Variants in ARHGAP10 observed in about 807,000 individuals in gnomAD.
ARHGAP10 encodes the protein rho GTPase-activating protein 10.
In ARHGAP10, 87 loss-of-function variants were observed where a neutral mutation model predicts 108.6. That is an observed-to-expected ratio of 0.80 (90% CI 0.67 to 0.96). The LOEUF is 0.96. Ranked by LOEUF, ARHGAP10 falls within the 40% of genes least tolerant of loss-of-function variation. ARHGAP10 has a pLI of 0.00. For missense variants in ARHGAP10, 939 were observed against 954.5 expected (o/e 0.98, Z 0.21); for synonymous variants, 347 against 341.1 (o/e 1.02, Z -0.19).
At chr4:147,824,211 A>T (rs1316144552) in intron 3 of ARHGAP10, among the ~76,000 whole-genome samples, 4 of 151,928 alleles carry the variant, frequency 2.6e-5, no homozygotes, top group Non-Finnish European at 5.9e-5. Context: ...AATCCCAGCT[A>T]CTCGGGAGGC....
chr4:148,014,791 A>G (rs1465366830), intron 18 of ARHGAP10, among the ~76,000 whole-genome samples: 1 of 152,236 alleles, frequency 6.6e-6, no homozygotes. Context: ...ATAGAGTGCT[A>G]CCGAAATCAA....
At chr4:148,046,841 T>C (rs1482307667) in intron 19 of ARHGAP10, 51 bp from the exon 20 acceptor site, 1 of 1,554,386 alleles carries the variant, frequency 6.4e-7, no homozygotes, top group Non-Finnish European at 8.8e-7. Context: ...TTAGTGGAGT[T>C]TTTTCTTCTC....
chr4:147,873,708 A>ACACACACACACACT (rs1734940219), intron 7 of ARHGAP10, among the ~76,000 whole-genome samples: 1 of 150,230 alleles, frequency 6.7e-6, no homozygotes. Context: ...ACACACACAC[A>ACACACACACACACT]CACACACACA....
intron 1 of ARHGAP10, among the ~76,000 whole-genome samples, chr4:147,764,643 C>T (rs1051154724): frequency 1.3e-5 from 2 of 152,138 alleles, no homozygotes; most frequent in African/African-American, 2.4e-5. Flanking sequence ...AAGGGATTCT[C>T]GTGCCTCAGC....
intron 1 of ARHGAP10, among the ~76,000 whole-genome samples, chr4:147,820,389 G>GA (rs2126783567): frequency 6.6e-6 from 1 of 152,002 alleles, no homozygotes; most frequent in East Asian, 1.9e-4. Context: ...GAGTTCAAGC[G>GA]ATTCTCCTGC....
At chr4:148,008,076 G>A (rs892817987) in intron 18 of ARHGAP10, among the ~76,000 whole-genome samples, 4 of 152,146 alleles carry the variant, frequency 2.6e-5, no homozygotes, top group African/African-American at 9.7e-5. Flanking sequence ...GCCTGTGGTG[G>A]CCTCATCCTA....
intron 1 of ARHGAP10, among the ~76,000 whole-genome samples, chr4:147,740,117 T>C (rs1438640107): frequency 6.6e-6 from 1 of 151,210 alleles, no homozygotes; most frequent in Non-Finnish European, 1.5e-5. Flanking sequence ...GGTGTGATCT[T>C]GGCTCACTGC....
At chr4:147,831,263 G>A (rs1560780307) in intron 3 of ARHGAP10, among the ~76,000 whole-genome samples, 1 of 152,200 alleles carries the variant, frequency 6.6e-6, no homozygotes, top group Non-Finnish European at 1.5e-5. Context: ...AATAGTGATG[G>A]AAAGCCTAAG....
At chr4:148,060,044 A>T (rs960551700) in intron 20 of ARHGAP10, among the ~76,000 whole-genome samples, 21 of 152,072 alleles carry the variant, frequency 1.4e-4, no homozygotes, top group Admixed American at 9.2e-4. Context: ...GAGACGAGAG[A>T]CAGATATGCC....
intron 1 of ARHGAP10, among the ~76,000 whole-genome samples, chr4:147,795,335 C>A (rs574164781): frequency 3.4e-4 from 51 of 152,210 alleles, no homozygotes; most frequent in African/African-American, 1.1e-3. Flanking sequence ...ACCTTTTATC[C>A]TACGTTTGTC....
At chr4:147,959,511 T>G (rs1738913027) in intron 16 of ARHGAP10, among the ~76,000 whole-genome samples, 1 of 151,964 alleles carries the variant, frequency 6.6e-6, no homozygotes, top group South Asian at 2.1e-4. Context: ...ATGCTATCCC[T>G]CCCCGCTCCC....
chr4:147,751,526 GC>G lies in ARHGAP10; in HGVS notation c.154+19073del, dbSNP rs540584090. Among the ~76,000 whole-genome samples, 616 of 151,862 alleles carry G rather than the reference GC, an allele frequency of 4.1e-3. 6 individuals carry two copies. Among genetic ancestry groups the G allele is most frequent in the East Asian group, 0.03 (154 of 5,140 alleles). ...TGACAGGCGCATGCTACCACGCCTG[GC>G]CATTTTTTTTGTATTTTTAGTAGAG... is the stretch of plus-strand genomic sequence containing the variant. On this transcript the variant is annotated intron_variant, in intron 1 of 22. Coordinates refer to ENST00000336498, the MANE Select transcript of ARHGAP10 (RefSeq NM_024605.4).
At chr4:147,813,640 GA>G (rs1732120004) in intron 1 of ARHGAP10, among the ~76,000 whole-genome samples, 1 of 152,200 alleles carries the variant, frequency 6.6e-6, no homozygotes, top group African/African-American at 2.4e-5. Flanking sequence ...ACGCGACAGA[GA>G]AAACTAAACA....
At chr4:147,940,607 G>A (rs762290230) in intron 14 of ARHGAP10, among the ~76,000 whole-genome samples, 1 of 152,150 alleles carries the variant, frequency 6.6e-6, no homozygotes, top group Non-Finnish European at 1.5e-5. Flanking sequence ...GAGGGCCTGT[G>A]TATCAAACCA....
At chr4:147,907,247 A>T (rs1415300323) in intron 11 of ARHGAP10, among the ~76,000 whole-genome samples, 2 of 152,176 alleles carry the variant, frequency 1.3e-5, no homozygotes, top group African/African-American at 4.8e-5. Flanking sequence ...AGTGGTATAG[A>T]TCCAGAGGCA....
chr4:147,948,683 G>C (rs901924523), intron 15 of ARHGAP10, among the ~76,000 whole-genome samples: 5 of 152,036 alleles, frequency 3.3e-5, no homozygotes, highest in Admixed American at 3.3e-4. Flanking sequence ...TAGGCCGGGC[G>C]CGGTGGCTCA....
intron 10 of ARHGAP10, among the ~76,000 whole-genome samples, chr4:147,900,819 TCAACAA>T (rs36114707): frequency 4.0e-5 from 6 of 150,510 alleles, no homozygotes; most frequent in East Asian, 2.0e-4. Flanking sequence ...ATAAATAAAT[TCAACAA>T]CAACAACAAC....
chr4:147,910,675 AT>A (rs762316137), intron 12 of ARHGAP10, among the ~76,000 whole-genome samples: 59 of 148,844 alleles, frequency 4.0e-4, no homozygotes, highest in African/African-American at 5.2e-4. Flanking sequence ...TGTACCCTTG[AT>A]TTTTTTTTTT....
intron 1 of ARHGAP10, among the ~76,000 whole-genome samples, chr4:147,817,870 G>A (rs530165208): frequency 8.5e-5 from 13 of 152,268 alleles, no homozygotes; most frequent in Non-Finnish European, 1.3e-4. Flanking sequence ...AAGAGAATAG[G>A]GGGCATGGAG....
Sources: gnomAD v4.1 joint callset for allele counts (sites outside exome capture counted in the v4.1 genomes callset) on GRCh38, gnomAD v4.1.1 for gene constraint, MANE v1.5 for transcripts, NCBI Gene and HGNC (gene_info 2026-07-23, HGNC 2026-07-21) for gene names.